The following DNHD1 variants were observed in gnomAD, a reference collection of about 807,000 sequenced individuals.
The protein encoded by DNHD1 is dynein heavy chain domain 1, also known as dynein heavy chain domain-containing protein 1.
A neutral mutation model predicts 458.1 loss-of-function variants in DNHD1; 383 were observed. That is an observed-to-expected ratio of 0.84 (90% CI 0.77 to 0.91). The LOEUF (loss-of-function observed/expected upper bound fraction) is 0.91, where lower values mean the gene tolerates loss of function less well. Among genes scored for constraint, DNHD1 ranks in the 40% least tolerant of loss-of-function variants. The pLI, the probability that DNHD1 is intolerant of heterozygous loss-of-function variation, is 0.00. For missense variants in DNHD1, 5,336 were observed against 5,866.1 expected, an observed-to-expected ratio of 0.91 and a Z score of 2.95; for synonymous variants, 2,203 against 2,376.9, an observed-to-expected ratio of 0.93 and a Z score of 2.13.
intron 31 of DNHD1, 41 bp downstream of exon 31, chr11:6,564,165 T>C (rs1255012765): frequency 6.5e-7 from 1 of 1,535,598 alleles, no homozygotes; most frequent in Non-Finnish European, 8.8e-7. Flanking sequence ...AAAGTTCCTT[T>C]TATGCCGTTC....
chr11:6,498,265 C>G lies in DNHD1; in HGVS notation c.50C>G (p.Ser17Cys). The G allele has an allele frequency of 3.1e-6, 5 of 1,614,198 alleles. No homozygotes were observed. The highest frequency in any genetic ancestry group is 1.1e-5 in the South Asian group (1 of 91,088). ...GGTTTGTCTTCTGATGAGACATCAT[C>G]TGATTCCCTTAAGTCTTGGCACTCC... ...RVGLSSDETS[S>C]DSLKSWHSIC... Residue 17 changes from serine (S) to cysteine (C), a missense_variant, in exon 3 of 43, where the codon TCT (serine) becomes TGT (cysteine). By Grantham distance (112) the Ser-to-Cys change is moderately radical. Around this residue, in one of 4 missense-constraint regions of DNHD1, gnomAD observed 3,932 missense variants for 4,365.6 expected, o/e 0.90. Transcript: ENST00000254579.
chr11:6,559,223 G>C lies in DNHD1; in HGVS notation c.9459G>C (p.Glu3153Asp). 2 of 1,551,694 alleles carry C rather than the reference G, an allele frequency of 1.3e-6. No individual in the cohort carries two copies. The highest frequency in any genetic ancestry group is 1.7e-6 in the Non-Finnish European group (2 of 1,147,004). Reference protein sequence around the residue: ...ALENLRMLIKEHGTHANLIFD... With the variant: ...ALENLRMLIKDHGTHANLIFD... ...AGAATCTGAGAATGCTGATTAAGGA[G>C]CACGGTACCCATGCCAATCTGATCT... Residue 3153 changes from glutamate (E) to aspartate (D), a missense_variant, in exon 28 of 43, where the codon GAG becomes GAC. This residue lies in a region of DNHD1 where 3,932 missense variants were observed against 4,365.6 expected (regional missense o/e 0.90). Transcript: ENST00000254579.
In DNHD1 at chr11:6,528,404, G is replaced by GTGT. The variant is rs1852755294; in HGVS notation, c.1838-118_1838-117insTGT. 36 of 881,326 alleles carry GTGT rather than the reference G, an allele frequency of 4.1e-5. No individual in the cohort carries two copies. In the East Asian group the frequency reaches 5.8e-4, roughly 14 times the overall value. The allele number at this position is 881,326 out of a possible 1,614,324, so 54.6% of individuals were successfully genotyped here. A position where few individuals can be genotyped will look rare whatever the true frequency, so the allele number is the denominator to read the frequency against. ...TTAACTCACTCATGAGCAGCGAATG[G>GTGT]GTGTGTGTGTGTGTGTGTGTGTGTG... On this transcript the variant is annotated intron_variant, in intron 10 of 42. Transcript: ENST00000254579.
At position 6,546,064 on chromosome 11, in the gene DNHD1, G is replaced by T; in HGVS notation, c.5125G>T (p.Val1709Leu). 6.4e-7 allele frequency: 1 copy of T among 1,551,376 alleles called. No individual in the cohort carries two copies. Among genetic ancestry groups the T allele is most frequent in the Non-Finnish European group, 8.7e-7 (1 of 1,146,708 alleles). ...GGCACAGGCCCTGGGCCGCCAGCTG[G>T]TGATGCTACCCTGCTCACCTCAGAT... ...SLAQALGRQL[V>L]MLPCSPQIEA... is the part of the protein sequence containing the mutation. Residue 1709 changes from valine (V) to leucine (L), a missense_variant, in exon 21 of 43, where the codon GTG becomes TTG. Coordinates refer to ENST00000254579, the MANE Select transcript of DNHD1 (RefSeq NM_144666.3).
chr11:6,570,620 C>G lies in DNHD1; in HGVS notation c.13108C>G (p.Leu4370Val). 3 of 1,603,062 alleles carry G rather than the reference C, an allele frequency of 1.9e-6. No individual in the cohort carries two copies. In the South Asian group the frequency reaches 3.4e-5, roughly 18 times the overall value. ...CACCCCTCACCTCTATCCCCAAGAG[C>G]TAAGGGAGCTGGATGCAATGGCAGA... ...LLATLMPLPE[L>V]RELDAMAECK... The change falls in exon 42 of 43, where the codon CTA becomes GTA. Residue 4370 changes from leucine to valine, a missense_variant and splice_region_variant. Leu to Val is a conservative substitution (Grantham distance 32). Coordinates refer to ENST00000254579, the MANE Select transcript of DNHD1 (RefSeq NM_144666.3).
At position 6,565,866 on chromosome 11, in the gene DNHD1, A is replaced by C; in HGVS notation, c.10928A>C (p.Glu3643Ala). 6.4e-7 allele frequency: 1 copy of C among 1,551,698 alleles called. No individual in the cohort carries two copies. Among genetic ancestry groups the C allele is most frequent in the Non-Finnish European group, 8.7e-7 (1 of 1,147,000 alleles). The change falls in exon 33 of 43, where the codon GAG (glutamate) becomes GCG (alanine). Residue 3643 changes from glutamate to alanine, a missense_variant. This residue lies in a region of DNHD1 where 695 missense variants were observed against 804.2 expected (regional missense o/e 0.86). Coordinates refer to ENST00000254579, the MANE Select transcript of DNHD1 (RefSeq NM_144666.3). Reference sequence around the variant, plus strand: ...GAGGAAAATGAAGAGAAAGAGGAGGAGAAGACAGAGAGCCAGGGGTCAAAG... The same window carrying C: ...GAGGAAAATGAAGAGAAAGAGGAGGCGAAGACAGAGAGCCAGGGGTCAAAG... ...EQEENEEKEE[E>A]KTESQGSKPA...
At chr11:6,502,350 C>G (rs942816175) in intron 3 of DNHD1, among the ~76,000 whole-genome samples, 2 of 152,062 alleles carry the variant, frequency 1.3e-5, no homozygotes, top group African/African-American at 4.8e-5. Context: ...TCTGAAAGGC[C>G]AAGAAGGTTG....
chr11:6,533,915 G>A lies in DNHD1; in HGVS notation c.2740G>A (p.Ala914Thr). The change falls in exon 14 of 43, where the codon GCA becomes ACA. Residue 914 changes from alanine (A) to threonine (T), a missense_variant. Physicochemically the swap from Ala to Thr is moderately conservative, Grantham distance 58. Around this residue, in one of 4 missense-constraint regions of DNHD1, gnomAD observed 3,932 missense variants for 4,365.6 expected, o/e 0.90. Coordinates refer to ENST00000254579, the MANE Select transcript of DNHD1 (RefSeq NM_144666.3). ...LAPQLLDMWEAFQFEKSQASE... is the reference protein window; with the variant it reads ...LAPQLLDMWETFQFEKSQASE... ...CCCACAGCTTCTGGATATGTGGGAG[G>A]CATTTCAGTTTGAGAAAAGCCAGGC... The A allele has an allele frequency of 6.4e-7, 1 of 1,551,266 alleles. No homozygotes were observed. The highest frequency in any genetic ancestry group is 8.7e-7 in the Non-Finnish European group (1 of 1,146,872).
intron 24 of DNHD1, among the ~76,000 whole-genome samples, chr11:6,551,786 CA>C (rs1252914762): frequency 6.6e-6 from 1 of 152,088 alleles, no homozygotes; most frequent in Non-Finnish European, 1.5e-5. Flanking sequence ...ACTAAAAATG[CA>C]AAAATTAGCT....
intron 7 of DNHD1, among the ~76,000 whole-genome samples, chr11:6,513,883 G>A (rs1350610986): frequency 3.3e-5 from 5 of 150,644 alleles, no homozygotes; most frequent in Admixed American, 6.6e-5. Context: ...TCATTCTGTC[G>A]CCCAGGCTGG....
chr11:6,515,035 T>C (rs1852430632), intron 7 of DNHD1, among the ~76,000 whole-genome samples: 1 of 152,182 alleles, frequency 6.6e-6, no homozygotes, highest in South Asian at 2.1e-4. Flanking sequence ...CCCACTCCCA[T>C]GATCAGAACA....
At chr11:6,515,607 C>T (rs999425785) in intron 7 of DNHD1, among the ~76,000 whole-genome samples, 2 of 145,114 alleles carry the variant, frequency 1.4e-5, no homozygotes, top group South Asian at 2.3e-4. Context: ...CTTCTCTTTT[C>T]TGCTTTTTTT....
intron 24 of DNHD1, among the ~76,000 whole-genome samples, chr11:6,554,064 C>T (rs1385948179): frequency 6.6e-6 from 1 of 152,096 alleles, no homozygotes; most frequent in African/African-American, 2.4e-5. Context: ...GTTGGGACAC[C>T]TACACTAGTG....
rs1314238925 is a variant in DNHD1, at chr11:6,556,873, C to T, written c.7578C>T (p.Ala2526=). Residue 2526 remains alanine, a synonymous_variant, in exon 25 of 43, where the codon GCC becomes GCT. Transcript: ENST00000254579. The stretch of plus-strand genomic sequence containing the variant: ...TCTTTCGACTCTTCACAGTCCTGGC[C>T]CTGGAAAGCATGACCCAGGCCACCC... The part of the protein sequence containing the change: ...PRLFRLFTVL[A]LESMTQATLL... 2 of 1,551,612 alleles carry T rather than the reference C, an allele frequency of 1.3e-6. No homozygotes were observed. The highest frequency in any genetic ancestry group is 3.9e-5 in the Admixed American group (2 of 50,992).
intron 41 of DNHD1, 28 bp downstream of exon 41, chr11:6,570,424 G>C (rs1265318624): frequency 6.3e-7 from 1 of 1,591,170 alleles, no homozygotes; most frequent in Admixed American, 1.7e-5. Flanking sequence ...ATCTGTTTTG[G>C]GGTAGGGAAT....
intron 28 of DNHD1, among the ~76,000 whole-genome samples, chr11:6,561,435 G>GA (rs965108181): frequency 7.3e-5 from 11 of 151,208 alleles, no homozygotes; most frequent in African/African-American, 2.7e-4. Context: ...CTCCAAAAAA[G>GA]AAAAAAAAGA....
rs11287049 is a variant in DNHD1 at position 6,512,211 on chromosome 11, C to CTTTTTTTTTTTTTTTTTTTTTTTTTTT, written c.1392+783_1392+809dup. ...CAAGGAATTTCTTTTCTTTTTCTTTCTTTTTTTTTTTTTTTTTTTTTTTTT... is the reference window on the plus strand; with the variant it reads ...CAAGGAATTTCTTTTCTTTTTCTTTCTTTTTTTTTTTTTTTTTTTTTTTTTTTTTTTTTTTTTTTTTTTTTTTTTTTT... On this transcript the variant is annotated intron_variant, in intron 7 of 42. Transcript: ENST00000254579. Among the ~76,000 whole-genome samples, 2 of 91,628 alleles carry CTTTTTTTTTTTTTTTTTTTTTTTTTTT rather than the reference C, an allele frequency of 2.2e-5. 1 individual carries two copies. Among genetic ancestry groups the CTTTTTTTTTTTTTTTTTTTTTTTTTTT allele is most frequent in the African/African-American group, 9.4e-5 (2 of 21,322 alleles). 60.1% of individuals were successfully genotyped at this position (91,628 alleles called of 152,430 possible). A position where few individuals can be genotyped will look rare whatever the true frequency, so the allele number is the denominator to read the frequency against.
intron 4 of DNHD1, among the ~76,000 whole-genome samples, chr11:6,504,976 G>A (rs577319098): frequency 3.3e-4 from 50 of 152,126 alleles, no homozygotes; most frequent in Non-Finnish European, 6.3e-4. Flanking sequence ...GACCACAGGT[G>A]CCTACAACCA....
chr11:6,571,250 G>C lies in DNHD1; in HGVS notation c.13738G>C (p.Val4580Leu), dbSNP rs555782338. The C allele has an allele frequency of 1.2e-6, 2 of 1,612,434 alleles. No individual in the cohort carries two copies. Among genetic ancestry groups the C allele is most frequent in the African/African-American group, 2.7e-5 (2 of 74,938 alleles). ...ADASSDVPER[V>L]FHLSAFRHPR... ...CGCGAGCAGTGATGTACCAGAGCGC[G>C]TCTTCCACCTGTCAGCCTTTCGCCA... Residue 4580 changes from valine (V) to leucine (L), a missense_variant, in exon 42 of 43, where the codon GTC (valine) becomes CTC (leucine). Physicochemically the swap from Val to Leu is conservative, Grantham distance 32. Around this residue, in one of 4 missense-constraint regions of DNHD1, gnomAD observed 698 missense variants for 664.9 expected, o/e 1.05. Coordinates refer to ENST00000254579, the MANE Select transcript of DNHD1 (RefSeq NM_144666.3). This position sits in a 1 kb window ranked among gnomAD's most constrained non-coding sequence, Gnocchi z 5.0.
Sources: gnomAD v4.1 joint callset for allele counts (sites outside exome capture counted in the v4.1 genomes callset) on GRCh38, gnomAD v4.1.1 for gene constraint, gnomAD v4.1.1 regional missense constraint, Gnocchi (gnomAD v3.1) non-coding constraint, MANE v1.5 for transcripts, NCBI Gene and HGNC (gene_info 2026-07-23, HGNC 2026-07-21) for gene names.